Variants in NDUFA5 observed in about 807,000 individuals in gnomAD.
The protein encoded by NDUFA5 is NADH:ubiquinone oxidoreductase subunit A5.
NDUFA5 carries 11 observed loss-of-function variants against 19.8 expected under a neutral mutation model. The ratio of observed to expected loss-of-function variants is 0.56; its 90% CI spans 0.35 to 0.92. The LOEUF is 0.92. NDUFA5 is among the 40% of genes least tolerant of loss of function. The pLI is 0.01. For synonymous variants in NDUFA5, 47 were observed against 46.8 expected, an observed-to-expected ratio of 1.00 and a Z score of -0.01; for missense variants, 109 against 134.2, an observed-to-expected ratio of 0.81 and a Z score of 0.93.
chr7:123,547,246 A>G (rs1489819487), intron 3 of NDUFA5, among the ~76,000 whole-genome samples: 1 of 152,146 alleles, frequency 6.6e-6, no homozygotes, highest in African/African-American at 2.4e-5. Context: ...TAAGCCACCA[A>G]GTTTGTGGGA....
chr7:123,599,529 G>C, the NDUFA5 span, among the ~76,000 whole-genome samples: 1 of 152,170 alleles, frequency 6.6e-6, no homozygotes, highest in African/African-American at 2.4e-5. Context: ...AATACCTGTG[G>C]GCAAAGTGAG....
chr7:123,568,868 A>C, the NDUFA5 span, among the ~76,000 whole-genome samples: 1 of 152,214 alleles, frequency 6.6e-6, no homozygotes, highest in Non-Finnish European at 1.5e-5. Context: ...AAAAGTTGAA[A>C]AATTATGAAA....
the NDUFA5 span, among the ~76,000 whole-genome samples, chr7:123,593,449 T>C: frequency 6.6e-6 from 1 of 152,238 alleles, no homozygotes; most frequent in Non-Finnish European, 1.5e-5. Flanking sequence ...CTTCAGGAGC[T>C]CTTGTAAGGC....
At chr7:123,586,025 G>C in the NDUFA5 span, among the ~76,000 whole-genome samples, 1 of 151,710 alleles carries the variant, frequency 6.6e-6, no homozygotes, top group Non-Finnish European at 1.5e-5. Context: ...TCTGAATAAT[G>C]CTGCAATGAA....
the NDUFA5 span, among the ~76,000 whole-genome samples, chr7:123,568,125 G>C: frequency 2.8e-4 from 42 of 152,278 alleles, no homozygotes; most frequent in African/African-American, 9.1e-4. Flanking sequence ...CTGTACATTT[G>C]AGTTAATCAA....
chr7:123,592,188 T>G, the NDUFA5 span, among the ~76,000 whole-genome samples: 1 of 152,190 alleles, frequency 6.6e-6, no homozygotes, highest in African/African-American at 2.4e-5. Flanking sequence ...TCTTATCTCT[T>G]TTCTTCTTTA....
At chr7:123,593,698 G>A in the NDUFA5 span, among the ~76,000 whole-genome samples, 1 of 151,962 alleles carries the variant, frequency 6.6e-6, no homozygotes, top group African/African-American at 2.4e-5. Flanking sequence ...TTTCTCTCTG[G>A]CTGCCCTTAA....
At chr7:123,559,315 A>G (rs1056340626), upstream of NDUFA5, among the ~76,000 whole-genome samples, 1 of 57,800 alleles carries the variant, frequency 1.7e-5, no homozygotes, top group Non-Finnish European at 3.6e-5. Flanking sequence ...AATTAGCAAG[A>G]AAAAAAAAAA....
the NDUFA5 span, chr7:123,598,963 T>G: frequency 2.0e-5 from 3 of 152,148 alleles, no homozygotes; most frequent in Non-Finnish European, 4.4e-5. Context: ...GCGTACAGCA[T>G]AGCAAAAATA....
chr7:123,539,982 A>G lies in NDUFA5; in HGVS notation c.*2137T>C, dbSNP rs1797872113. The G allele has an allele frequency of 6.6e-6, 1 of 152,178 alleles. No homozygotes were observed. The highest frequency in any genetic ancestry group is 1.9e-4 in the East Asian group (1 of 5,188). 9.4% of individuals were successfully genotyped at this position (152,178 alleles called of 1,614,324 possible). On this transcript the variant is annotated 3_prime_UTR_variant, in exon 5 of 5. Coordinates refer to ENST00000355749, the MANE Select transcript of NDUFA5 (RefSeq NM_005000.5). ...ACAGGAGCATCAGTTCTAGAACCAG[A>G]CTGCCTGGGTTCAAACTTCAGCTTC...
chr7:123,559,552 A>C (rs1798659738), upstream of NDUFA5, among the ~76,000 whole-genome samples: 1 of 152,144 alleles, frequency 6.6e-6, no homozygotes, highest in Non-Finnish European at 1.5e-5. Flanking sequence ...CAGACAAAGA[A>C]ATCAACAAGA....
At chr7:123,545,844 A>G (rs1584689727) in intron 3 of NDUFA5, 168 bp from the exon 4 acceptor site, 1 of 539,910 alleles carries the variant, frequency 1.9e-6, no homozygotes, top group East Asian at 3.2e-5. Flanking sequence ...CTGCTATTTC[A>G]TTGCTTTTCT....
chr7:123,585,947 A>G, the NDUFA5 span, among the ~76,000 whole-genome samples: 1 of 151,756 alleles, frequency 6.6e-6, no homozygotes, highest in Admixed American at 6.6e-5. Flanking sequence ...CATGATAAAT[A>G]TATATTACAT....
chr7:123,596,140 A>G, the NDUFA5 span, among the ~76,000 whole-genome samples: 2 of 151,372 alleles, frequency 1.3e-5, no homozygotes, highest in African/African-American at 4.9e-5. Flanking sequence ...TAGTTTCCCA[A>G]AGGAATTACT....
At chr7:123,565,789 G>A in the NDUFA5 span, among the ~76,000 whole-genome samples, 6 of 152,302 alleles carry the variant, frequency 3.9e-5, no homozygotes, top group Admixed American at 3.9e-4. Flanking sequence ...GGCCAAGGCG[G>A]GTGGATTTCC....
At chr7:123,592,941 A>G in the NDUFA5 span, among the ~76,000 whole-genome samples, 1 of 151,938 alleles carries the variant, frequency 6.6e-6, no homozygotes, top group Non-Finnish European at 1.5e-5. Flanking sequence ...TTATTTTATG[A>G]ATCTCGGTGC....
At chr7:123,586,566 G>T in the NDUFA5 span, among the ~76,000 whole-genome samples, 1 of 151,554 alleles carries the variant, frequency 6.6e-6, no homozygotes, top group East Asian at 1.9e-4. Context: ...TGATTTGCTT[G>T]TACTTGTTTA....
At position 123,541,059 on chromosome 7, in the gene NDUFA5, T is replaced by C. The variant is rs1317678048; in HGVS notation, c.*1060A>G. On this transcript the variant is annotated 3_prime_UTR_variant, in exon 5 of 5. Transcript: ENST00000355749. ...AGGCGAAAACACATGTAATTTTATTTTTGTTTAACCTTAAGCTTGCCAACT... is the reference window on the plus strand; with the variant it reads ...AGGCGAAAACACATGTAATTTTATTCTTGTTTAACCTTAAGCTTGCCAACT... The C allele has an allele frequency of 6.6e-6, 1 of 152,198 alleles. No homozygotes were observed. Among genetic ancestry groups the C allele is most frequent in the African/African-American group, 2.4e-5 (1 of 41,430 alleles). The allele number at this position is 152,198 out of a possible 1,614,324, so 9.4% of individuals were successfully genotyped here.
the NDUFA5 span, among the ~76,000 whole-genome samples, chr7:123,570,528 G>A: frequency 6.6e-6 from 1 of 152,012 alleles, no homozygotes; most frequent in Non-Finnish European, 1.5e-5. Context: ...GCATGAGCAA[G>A]GAAAGCCAAA....
Sources: gnomAD v4.1 joint callset for allele counts (sites outside exome capture counted in the v4.1 genomes callset) on GRCh38, gnomAD v4.1.1 for gene constraint, MANE v1.5 for transcripts, NCBI Gene and HGNC (gene_info 2026-07-23, HGNC 2026-07-21) for gene names.